SYNJ2: variants seen among roughly 807,000 people sequenced by gnomAD.
SYNJ2 encodes the protein polyphosphatidylinositol phosphatase SYNJ2.
In SYNJ2, 116 loss-of-function variants were observed where a neutral mutation model predicts 141.3. The ratio of observed to expected loss-of-function variants is 0.82; its 90% CI spans 0.71 to 0.96. The LOEUF (loss-of-function observed/expected upper bound fraction) is 0.96, where lower values mean the gene tolerates loss of function less well. SYNJ2 is among the 40% of genes least tolerant of loss of function. The pLI is 0.00. For missense variants in SYNJ2, 1,873 were observed against 1,934.8 expected, an observed-to-expected ratio of 0.97 and a Z score of 0.60; for synonymous variants, 745 against 777.7, an observed-to-expected ratio of 0.96 and a Z score of 0.70.
intron 2 of SYNJ2, among the ~76,000 whole-genome samples, chr6:158,026,474 A>T (rs571674604): frequency 1.3e-5 from 2 of 151,936 alleles, no homozygotes; most frequent in East Asian, 3.9e-4. Flanking sequence ...CACTGCGCTC[A>T]CCAGATACCG....
At chr6:158,029,423 G>C (rs1056530242) in intron 3 of SYNJ2, 1 of 157,492 alleles carries the variant, frequency 6.3e-6, no homozygotes, top group African/African-American at 2.5e-5. Context: ...AAATTAGCTG[G>C]GCGTGGTGGC....
chr6:158,098,916 A>G lies in SYNJ2; in HGVS notation c.*2552A>G, dbSNP rs562106864. ...TTTTGGTTAATGATTGAATTAGGAC[A>G]TCAGCTTAAGCAATTCCTGTAACGG... On this transcript the variant is annotated 3_prime_UTR_variant, in exon 27 of 27. Coordinates refer to ENST00000355585, the MANE Select transcript of SYNJ2 (RefSeq NM_003898.4). The G allele has an allele frequency of 6.6e-6, 1 of 152,376 alleles. No homozygotes were observed. The highest frequency in any genetic ancestry group is 2.1e-4 in the South Asian group (1 of 4,832). 9.4% of individuals were successfully genotyped at this position (152,376 alleles called of 1,614,324 possible).
chr6:158,084,741 G>A lies in SYNJ2; in HGVS notation c.3208+567G>A, dbSNP rs1235889503. Reference sequence around the variant, plus strand: ...GCAGGAGAATCGCTTGAGCTGGGGAGGCAGAGGCTGCAATGAGCCGAGATC... The same window carrying A: ...GCAGGAGAATCGCTTGAGCTGGGGAAGCAGAGGCTGCAATGAGCCGAGATC... On this transcript the variant is annotated intron_variant, in intron 22 of 26. Transcript: ENST00000355585. The surrounding 1 kb of genome is among the most constrained non-coding windows in gnomAD (Gnocchi z 5.0). Among the ~76,000 whole-genome samples the A allele has an allele frequency of 6.6e-6, 1 of 152,026 alleles. No homozygotes were observed. The highest frequency in any genetic ancestry group is 1.5e-5 in the Non-Finnish European group (1 of 68,020).
intron 1 of SYNJ2, among the ~76,000 whole-genome samples, chr6:157,992,114 T>C (rs573548510): frequency 5.9e-5 from 9 of 152,358 alleles, no homozygotes; most frequent in Non-Finnish European, 5.9e-5. Context: ...CACATTTATC[T>C]TTTGTGTTAC....
At chr6:157,987,427 G>A (rs2128313648) in intron 1 of SYNJ2, among the ~76,000 whole-genome samples, 1 of 152,228 alleles carries the variant, frequency 6.6e-6, no homozygotes, top group Admixed American at 6.5e-5. Context: ...TTGAGGTGGA[G>A]TCTTGCTCTC....
At chr6:158,039,599 C>T (rs1779825992) in intron 4 of SYNJ2, among the ~76,000 whole-genome samples, 1 of 152,234 alleles carries the variant, frequency 6.6e-6, no homozygotes. Context: ...TCTCCATAAG[C>T]TTTGCTTATG....
At chr6:157,988,814 T>G (rs1038584543) in intron 1 of SYNJ2, among the ~76,000 whole-genome samples, 13 of 151,836 alleles carry the variant, frequency 8.6e-5, no homozygotes, top group African/African-American at 3.1e-4. Context: ...CCAAATTGGG[T>G]TGGGAGGGTG....
Position 158,028,964 on chromosome 6 carries a change from C to T in SYNJ2, c.423C>T (p.Asp141=), listed in dbSNP as rs1303387234. ...FSWPNDGSRF[D]LTVRTQKQGD... ...GGCCAAACGATGGGTCTCGCTTTGA[C>T]CTGACTGTCCGCACGCAGAAGCAGG... The change falls in exon 3 of 27, where the codon GAC becomes GAT. Residue 141 remains aspartate (D), a synonymous_variant. Coordinates refer to ENST00000355585, the MANE Select transcript of SYNJ2 (RefSeq NM_003898.4). 6 of 1,613,816 alleles carry T rather than the reference C, an allele frequency of 3.7e-6. No individual in the cohort carries two copies. Among genetic ancestry groups the T allele is most frequent in the Non-Finnish European group, 5.1e-6 (6 of 1,179,972 alleles).
chr6:157,985,749 T>C (rs930622173), intron 1 of SYNJ2, among the ~76,000 whole-genome samples: 5 of 152,124 alleles, frequency 3.3e-5, no homozygotes. Flanking sequence ...GTGTTTACAG[T>C]GCGGGCTGTG....
rs370598254 is a variant in SYNJ2 at position 158,069,530 on chromosome 6, C to T, written c.1800-3C>T. 6.2e-7 allele frequency: 1 copy of T among 1,610,534 alleles called. No homozygotes were observed. The highest frequency in any genetic ancestry group is 8.5e-7 in the Non-Finnish European group (1 of 1,177,800). On this transcript the variant is annotated splice_region_variant and splice_polypyrimidine_tract_variant and intron_variant, in intron 13 of 26. Coordinates refer to ENST00000355585, the MANE Select transcript of SYNJ2 (RefSeq NM_003898.4). The stretch of plus-strand genomic sequence containing the variant: ...AACAGCATCCTTTCCTTTTCTCTTC[C>T]AGTACTACCAACAAGAAGATGTGGG...
At chr6:158,093,770 A>G (rs1194044158) in intron 26 of SYNJ2, 5 of 681,102 alleles carry the variant, frequency 7.3e-6, no homozygotes, top group East Asian at 2.5e-5. Flanking sequence ...TTGTGTGCAC[A>G]TGGTTTCAAG....
chr6:158,064,489 T>C lies in SYNJ2; in HGVS notation c.1210-112T>C. 7 of 1,345,324 alleles carry C rather than the reference T, an allele frequency of 5.2e-6. No homozygotes were observed. The South Asian group carries it at 8.0e-5, about 15-fold the overall frequency. The allele number at this position is 1,345,324 out of a possible 1,614,324, so 83.3% of individuals were successfully genotyped here. On this transcript the variant is annotated intron_variant, in intron 9 of 26. Coordinates refer to ENST00000355585, the MANE Select transcript of SYNJ2 (RefSeq NM_003898.4). ...CCTCATCCTCTGGAGGGGCACAGAG[T>C]CTTCCAGGCACAGCGTAATCCACAG...
In SYNJ2 at chr6:158,060,513, G is replaced by T. The variant is rs962462871; in HGVS notation, c.954+1160G>T. On this transcript the variant is annotated intron_variant, in intron 7 of 26. Transcript: ENST00000355585. ...CGAAGTCGCCTCACTGGGGGTTAGG[G>T]CGATCTCTGAGCCTTTCCCTCTGCT... Among the ~76,000 whole-genome samples the T allele has an allele frequency of 3.9e-5, 6 of 152,202 alleles. No homozygotes were observed. In the East Asian group the frequency reaches 5.8e-4, roughly 15 times the overall value.
chr6:158,038,150 A>G (rs891053690), intron 4 of SYNJ2, among the ~76,000 whole-genome samples: 1 of 152,062 alleles, frequency 6.6e-6, no homozygotes, highest in East Asian at 1.9e-4. Flanking sequence ...TGCTGTTGAC[A>G]TTGCCTCCAC....
intron 1 of SYNJ2, among the ~76,000 whole-genome samples, chr6:157,994,793 A>T (rs1249772464): frequency 6.6e-6 from 1 of 152,168 alleles, no homozygotes; most frequent in Non-Finnish European, 1.5e-5. Context: ...GAAGCAATAG[A>T]TTTGGGCTCT....
At chr6:157,981,609 G>C (rs1432058143), upstream of SYNJ2, among the ~76,000 whole-genome samples, 1 of 151,976 alleles carries the variant, frequency 6.6e-6, no homozygotes, top group South Asian at 2.1e-4. The surrounding 1 kb of genome is among the most constrained non-coding windows in gnomAD (Gnocchi z 6.4). Context: ...GTCGCCCCGC[G>C]CGGGGCATCC....
intron 2 of SYNJ2, among the ~76,000 whole-genome samples, chr6:158,020,943 A>G (rs1778736655): frequency 2.0e-5 from 3 of 152,218 alleles, no homozygotes; most frequent in African/African-American, 7.2e-5. Flanking sequence ...CCAGGTTCCA[A>G]GGTTTTTGTA....
chr6:157,981,739 G>C (rs918659080), upstream of SYNJ2: 6 of 324,258 alleles, frequency 1.9e-5, no homozygotes, highest in Non-Finnish European at 2.7e-5. This position sits in a 1 kb window ranked among gnomAD's most constrained non-coding sequence, Gnocchi z 6.4. Context: ...GGGGAGCGCG[G>C]GGCCGGGCGG....
chr6:158,066,715 C>T (rs1389560121), intron 12 of SYNJ2, 80 bp downstream of exon 12: 9 of 1,503,506 alleles, frequency 6.0e-6, no homozygotes, highest in Non-Finnish European at 6.3e-6. Context: ...TAGTGGCCAT[C>T]GTCTTGTGGA....
Sources: gnomAD v4.1 joint callset for allele counts (sites outside exome capture counted in the v4.1 genomes callset) on GRCh38, gnomAD v4.1.1 for gene constraint, Gnocchi (gnomAD v3.1) non-coding constraint, MANE v1.5 for transcripts, NCBI Gene and HGNC (gene_info 2026-07-23, HGNC 2026-07-21) for gene names.